BSDC1: variants seen among roughly 807,000 people sequenced by gnomAD.
BSDC1 encodes BSD domain-containing protein 1.
A neutral mutation model predicts 56.0 loss-of-function variants in BSDC1; 29 were observed. The observed-to-expected ratio is 0.52, with a 90% CI of 0.39 to 0.71. The LOEUF (loss-of-function observed/expected upper bound fraction) is 0.71. Ranked by LOEUF, BSDC1 falls within the 30% of genes least tolerant of loss-of-function variation. The pLI, the probability that BSDC1 is intolerant of heterozygous loss-of-function variation, is 0.00. For missense variants in BSDC1, 477 were observed against 548.5 expected (o/e 0.87, Z 1.30); for synonymous variants, 210 against 215.3 (o/e 0.98, Z 0.21).
At chr1:32,372,447 A>C (rs56654379) in intron 9 of BSDC1, among the ~76,000 whole-genome samples, 8,589 of 152,276 alleles carry the variant, frequency 0.056, 778 homozygotes, top group African/African-American at 0.2. Context: ...CTATGGCAGA[A>C]CCTTTCAGGG....
chr1:32,389,574 C>A (rs1642793870), intron 2 of BSDC1, among the ~76,000 whole-genome samples: 1 of 152,108 alleles, frequency 6.6e-6, no homozygotes, highest in Non-Finnish European at 1.5e-5. Context: ...AGAGCAGTAG[C>A]TGCTGTACTA....
At chr1:32,372,754 T>C (rs1282400033) in intron 9 of BSDC1, among the ~76,000 whole-genome samples, 1 of 152,178 alleles carries the variant, frequency 6.6e-6, no homozygotes, top group African/African-American at 2.4e-5. Context: ...TTTCGGGTGA[T>C]TGCTAACTTT....
At chr1:32,389,154 C>T (rs1442811491) in intron 2 of BSDC1, among the ~76,000 whole-genome samples, 1 of 152,072 alleles carries the variant, frequency 6.6e-6, no homozygotes, top group African/African-American at 2.4e-5. Context: ...CGGGATTTCA[C>T]TGTGTTAGCC....
rs776625973 is a variant in BSDC1, at chr1:32,368,507, G to A, written c.1200C>T (p.Asp400=). The change falls in exon 10 of 11, where the codon GAC becomes GAT. Residue 400 remains aspartate, a synonymous_variant. Transcript: ENST00000455895. ...GCACCTCCTCTTCAGTCATGTCCAA[G>A]TCAAAGTCTTTCTCCCAGTCCTCAC... The part of the protein sequence containing the change: ...DISEDWEKDF[D]LDMTEEEVQM... 2.5e-6 allele frequency: 4 copies of A among 1,614,148 alleles called. No individual in the cohort carries two copies. The highest frequency in any genetic ancestry group is 3.4e-6 in the Non-Finnish European group (4 of 1,180,034).
intron 9 of BSDC1, among the ~76,000 whole-genome samples, chr1:32,373,422 T>TTTGTAACCCTCCAACAG (rs1322510084): frequency 6.6e-6 from 1 of 152,188 alleles, no homozygotes; most frequent in Non-Finnish European, 1.5e-5. Flanking sequence ...AAACCTATAA[T>TTTGTAACCCTCCAACAG]TTGTAACCCT....
intron 4 of BSDC1, among the ~76,000 whole-genome samples, chr1:32,381,779 T>C (rs1642482631): frequency 6.6e-6 from 1 of 152,228 alleles, no homozygotes; most frequent in African/African-American, 2.4e-5. Flanking sequence ...GCAGGAAGCA[T>C]GGGCTATGTG....
At chr1:32,390,424 C>T (rs1642825425) in intron 2 of BSDC1, among the ~76,000 whole-genome samples, 1 of 152,098 alleles carries the variant, frequency 6.6e-6, no homozygotes, top group Admixed American at 6.6e-5. Context: ...TGACTGAGGG[C>T]TAGAAAAGAA....
At position 32,368,475 on chromosome 1, in the gene BSDC1, G is replaced by A. The variant is rs755661603; in HGVS notation, c.1232C>T (p.Ala411Val). Reference protein sequence around the residue: ...LDMTEEEVQMALSKVDASGEL... With the variant: ...LDMTEEEVQMVLSKVDASGEL... ...CCCGGAGGCATCCACTTTGGAAAGT[G>A]CCATCTGCACCTCCTCTTCAGTCAT... The change falls in exon 10 of 11, where the codon GCA (alanine) becomes GTA (valine). Residue 411 changes from alanine (A) to valine (V), a missense_variant. Physicochemically the swap from Ala to Val is moderately conservative, Grantham distance 64. Coordinates refer to ENST00000455895, the MANE Select transcript of BSDC1 (RefSeq NM_018045.8). The A allele has an allele frequency of 1.2e-6, 2 of 1,614,018 alleles. No homozygotes were observed. The highest frequency in any genetic ancestry group is 2.7e-5 in the African/African-American group (2 of 74,906).
chr1:32,370,983 C>T (rs756847718), intron 9 of BSDC1, among the ~76,000 whole-genome samples: 4 of 152,034 alleles, frequency 2.6e-5, no homozygotes, highest in Admixed American at 6.6e-5. Flanking sequence ...ACCCTCTGCT[C>T]TAGATGATTC....
chr1:32,380,316 A>G (rs570873601), intron 5 of BSDC1, among the ~76,000 whole-genome samples: 2 of 152,258 alleles, frequency 1.3e-5, no homozygotes, highest in Non-Finnish European at 2.9e-5. Context: ...CCGACTTCTC[A>G]TAGTGAAACT....
intron 10 of BSDC1, chr1:32,367,703 G>T (rs1641902525): frequency 4.1e-6 from 4 of 983,366 alleles, no homozygotes; most frequent in Non-Finnish European, 4.8e-6. Context: ...AGGTAGTGAA[G>T]AATAACAGTA....
chr1:32,383,912 G>A lies in BSDC1; in HGVS notation c.275C>T (p.Ser92Leu), dbSNP rs138922587. 1.4e-5 allele frequency: 22 copies of A among 1,612,536 alleles called. No individual in the cohort carries two copies. The highest frequency in any genetic ancestry group is 5.3e-5 in the African/African-American group (4 of 74,860). ...ATCGCAGTCGATGGTTTTGTCTGGCGAAGGGGCAAAGGTGTCTGAGATCAC... is the reference window on the plus strand; with the variant it reads ...ATCGCAGTCGATGGTTTTGTCTGGCAAAGGGGCAAAGGTGTCTGAGATCAC... ...LGVISDTFAP[S>L]PDKTIDCDVI... The change falls in exon 4 of 11, where the codon TCG becomes TTG. Residue 92 changes from serine to leucine, a missense_variant. Physicochemically the swap from Ser to Leu is moderately radical, Grantham distance 145. Coordinates refer to ENST00000455895, the MANE Select transcript of BSDC1 (RefSeq NM_018045.8).
chr1:32,385,940 GAAGT>G lies in BSDC1; in HGVS notation c.189+835_189+838del, dbSNP rs900035167. On this transcript the variant is annotated intron_variant, in intron 3 of 10. Coordinates refer to ENST00000455895, the MANE Select transcript of BSDC1 (RefSeq NM_018045.8). ...TCAGTGTACAATACTGGAAAAAACT[GAAGT>G]AAGAAAGCAGCAACTGGTTAAATCC... Among the ~76,000 whole-genome samples the G allele has an allele frequency of 9.4e-4, 143 of 152,298 alleles. 1 individual carries two copies. The highest frequency in any genetic ancestry group is 3.3e-3 in the African/African-American group (136 of 41,556).
Position 32,366,346 on chromosome 1 carries a change from AAC to A in BSDC1, c.*274_*275del. ...AGGAACAGTGGGTGTTCAGCAGAAA[AAC>A]ACAGGCTCTTCTGGTGAGGAGGATA... is the stretch of plus-strand genomic sequence containing the variant. On this transcript the variant is annotated 3_prime_UTR_variant, in exon 11 of 11. Coordinates refer to ENST00000455895, the MANE Select transcript of BSDC1 (RefSeq NM_018045.8). 1 of 647,788 alleles carries A rather than the reference AAC, an allele frequency of 1.5e-6. No individual in the cohort carries two copies. The highest frequency in any genetic ancestry group is 1.6e-5 in the South Asian group (1 of 63,094). 40.1% of individuals were successfully genotyped at this position (647,788 alleles called of 1,614,324 possible). A position where few individuals can be genotyped will look rare whatever the true frequency, so the allele number is the denominator to read the frequency against.
At chr1:32,386,318 C>CAAAAAAA (rs1220666804) in intron 3 of BSDC1, 1 of 59,178 alleles carries the variant, frequency 1.7e-5, no homozygotes, top group Non-Finnish European at 4.3e-5. Flanking sequence ...GACTCCAACT[C>CAAAAAAA]AAAAAAAAAA....
chr1:32,384,106 G>C, intron 3 of BSDC1, 109 bp from the exon 4 acceptor site: 1 of 1,506,014 alleles, frequency 6.6e-7, no homozygotes, highest in Non-Finnish European at 9.1e-7. Flanking sequence ...GGGGACCAGG[G>C]AAGCGCTCAC....
chr1:32,376,902 G>A (rs979394736), intron 8 of BSDC1, among the ~76,000 whole-genome samples, 161 bp from the exon 9 acceptor site: 11 of 152,236 alleles, frequency 7.2e-5, no homozygotes, highest in African/African-American at 2.4e-4. Context: ...AGGATGAGGC[G>A]GGTGGATCAC....
chr1:32,394,144 T>G lies in BSDC1; in HGVS notation c.12-4A>C, dbSNP rs1642968243. The G allele has an allele frequency of 6.2e-7, 1 of 1,608,318 alleles. No homozygotes were observed. The highest frequency in any genetic ancestry group is 2.2e-5 in the East Asian group (1 of 44,530). On this transcript the variant is annotated splice_polypyrimidine_tract_variant and splice_region_variant and intron_variant, in intron 1 of 10. Transcript: ENST00000455895. ...CCGCCACCATCCCACGTCCTCCCTGTGGAAGACAGACACATCTGGCAGCAC... is the reference window on the plus strand; with the variant it reads ...CCGCCACCATCCCACGTCCTCCCTGGGGAAGACAGACACATCTGGCAGCAC...
chr1:32,368,641 A>C, intron 9 of BSDC1, 91 bp from the exon 10 acceptor site: 2 of 1,544,714 alleles, frequency 1.3e-6, no homozygotes, highest in South Asian at 2.4e-5. Flanking sequence ...ATGCTTCAAA[A>C]GGGTCTCACA....
Sources: gnomAD v4.1 joint callset for allele counts (sites outside exome capture counted in the v4.1 genomes callset) on GRCh38, gnomAD v4.1.1 for gene constraint, MANE v1.5 for transcripts, NCBI Gene and HGNC (gene_info 2026-07-23, HGNC 2026-07-21) for gene names.